MSRB3: variants seen among roughly 807,000 people sequenced by gnomAD.
MSRB3 encodes methionine sulfoxide reductase B3, also known as methionine-R-sulfoxide reductase B3.
A neutral mutation model predicts 21.0 loss-of-function variants in MSRB3; 13 were observed. The ratio of observed to expected loss-of-function variants is 0.62; its 90% confidence interval spans 0.40 to 0.98. MSRB3 has a LOEUF of 0.98. Ranked by LOEUF, MSRB3 falls within the 50% of genes least tolerant of loss-of-function variation. MSRB3 has a pLI of 0.00. For missense variants in MSRB3, 199 were observed against 230.3 expected (o/e 0.86, Z 0.88); for synonymous variants, 87 against 88.6 (o/e 0.98, Z 0.10).
intron 1 of MSRB3, among the ~76,000 whole-genome samples, chr12:65,300,191 A>G (rs1015989721): frequency 6.6e-6 from 1 of 152,346 alleles, no homozygotes; most frequent in East Asian, 1.9e-4. Flanking sequence ...AGATCTTCAC[A>G]TCGTCATTTT....
chr12:65,451,705 C>T (rs533405921), intron 5 of MSRB3, among the ~76,000 whole-genome samples: 2 of 152,264 alleles, frequency 1.3e-5, no homozygotes, highest in African/African-American at 2.4e-5. Context: ...GATTGAGCCA[C>T]GTTGGACAGT....
intron 5 of MSRB3, among the ~76,000 whole-genome samples, chr12:65,386,842 A>G (rs1879219501): frequency 6.6e-6 from 1 of 152,066 alleles, no homozygotes; most frequent in Non-Finnish European, 1.5e-5. Context: ...TGTTAGAGCA[A>G]TTCAAAGGAT....
At chr12:65,396,276 T>C (rs1404563761) in intron 5 of MSRB3, among the ~76,000 whole-genome samples, 1 of 152,280 alleles carries the variant, frequency 6.6e-6, no homozygotes, top group Non-Finnish European at 1.5e-5. Flanking sequence ...TTTAGAAGTA[T>C]GTTGTTTAAT....
chr12:65,386,369 A>G (rs1879196337), intron 5 of MSRB3, among the ~76,000 whole-genome samples: 1 of 151,996 alleles, frequency 6.6e-6, no homozygotes, highest in Non-Finnish European at 1.5e-5. Context: ...ATTGGTAAAG[A>G]GAACTTACAT....
In MSRB3 at chr12:65,398,355, G is replaced by C. The variant is rs1287638651; in HGVS notation, c.292+29329G>C. ...TGGTTTTGATTTGCATTTCTCTAATGATCAGTGATGATGAGCTTTTTTTCA... is the reference window on the plus strand; with the variant it reads ...TGGTTTTGATTTGCATTTCTCTAATCATCAGTGATGATGAGCTTTTTTTCA... On this transcript the variant is annotated intron_variant, in intron 5 of 6. Coordinates refer to ENST00000308259, the MANE Select transcript of MSRB3 (RefSeq NM_001031679.3). Among the ~76,000 whole-genome samples the C allele has an allele frequency of 4.6e-5, 7 of 152,194 alleles. No homozygotes were observed. In the East Asian group the frequency reaches 9.6e-4, roughly 21 times the overall value.
At chr12:65,447,448 G>C (rs559190651) in intron 5 of MSRB3, among the ~76,000 whole-genome samples, 1 of 152,230 alleles carries the variant, frequency 6.6e-6, no homozygotes, top group South Asian at 2.1e-4. Flanking sequence ...TATTTGAAAA[G>C]ATACTTTGTT....
chr12:65,446,463 T>A (rs1032516794), intron 5 of MSRB3, among the ~76,000 whole-genome samples: 1 of 152,174 alleles, frequency 6.6e-6, no homozygotes, highest in Non-Finnish European at 1.5e-5. Context: ...AAAATTATGA[T>A]GCGTCAAATT....
At chr12:65,293,172 T>G (rs28497357) in intron 1 of MSRB3, among the ~76,000 whole-genome samples, 6,389 of 152,124 alleles carry the variant, frequency 0.042, 434 homozygotes, top group African/African-American at 0.15. Context: ...AGAATTGAAG[T>G]CCTCTTAAAT....
At chr12:65,287,989 T>C (rs1310297438) in intron 1 of MSRB3, among the ~76,000 whole-genome samples, 4 of 152,024 alleles carry the variant, frequency 2.6e-5, no homozygotes, top group Non-Finnish European at 5.9e-5. Context: ...TGAATTGGAC[T>C]GGGTAATACC....
At chr12:65,284,049 AC>A (rs1444698276) in intron 1 of MSRB3, 2 of 152,232 alleles carry the variant, frequency 1.3e-5, no homozygotes, top group Non-Finnish European at 2.9e-5. Context: ...CCCAGAATTT[AC>A]CAGATCAGAT....
chr12:65,397,735 T>G (rs765070088), intron 5 of MSRB3, among the ~76,000 whole-genome samples: 3 of 152,188 alleles, frequency 2.0e-5, no homozygotes, highest in African/African-American at 4.8e-5. Context: ...ATTAGGTATT[T>G]CTCCTGATGC....
intron 2 of MSRB3, among the ~76,000 whole-genome samples, chr12:65,318,997 G>A (rs985557180): frequency 6.6e-6 from 1 of 152,176 alleles, no homozygotes; most frequent in Non-Finnish European, 1.5e-5. Flanking sequence ...CAGGATGAAT[G>A]TAGTGCTAAA....
chr12:65,301,025 A>C (rs1873296239), intron 1 of MSRB3, among the ~76,000 whole-genome samples: 1 of 152,198 alleles, frequency 6.6e-6, no homozygotes, highest in African/African-American at 2.4e-5. Flanking sequence ...ACAGAGTAAT[A>C]ATGACTACTA....
intron 4 of MSRB3, among the ~76,000 whole-genome samples, chr12:65,347,719 G>T (rs1455637324): frequency 6.6e-6 from 1 of 152,108 alleles, no homozygotes; most frequent in Non-Finnish European, 1.5e-5. Context: ...ATTGCCTGTG[G>T]GTTTGTCATA....
chr12:65,305,505 G>A (rs1177782655), intron 1 of MSRB3, among the ~76,000 whole-genome samples: 1 of 152,110 alleles, frequency 6.6e-6, no homozygotes, highest in Non-Finnish European at 1.5e-5. Flanking sequence ...ACTGGCTTTG[G>A]AGGTGAATGT....
At chr12:65,315,704 G>A (rs191751211) in intron 2 of MSRB3, among the ~76,000 whole-genome samples, 2 of 146,348 alleles carry the variant, frequency 1.4e-5, no homozygotes, top group Admixed American at 6.8e-5. Flanking sequence ...CCCATGAAAT[G>A]ACAAAAGATA....
At chr12:65,361,663 T>C (rs1204186326) in intron 4 of MSRB3, among the ~76,000 whole-genome samples, 2 of 152,208 alleles carry the variant, frequency 1.3e-5, no homozygotes, top group East Asian at 3.9e-4. Flanking sequence ...TCCTTCTTGA[T>C]ATTGGCAAAT....
chr12:65,347,933 GC>G (rs1305816417), intron 4 of MSRB3, among the ~76,000 whole-genome samples: 2 of 152,180 alleles, frequency 1.3e-5, no homozygotes, highest in Admixed American at 1.3e-4. Flanking sequence ...CAGGGATGAA[GC>G]CCACTTGATC....
chr12:65,397,510 C>T (rs1361228881), intron 5 of MSRB3, among the ~76,000 whole-genome samples: 2 of 152,026 alleles, frequency 1.3e-5, no homozygotes, highest in African/African-American at 4.8e-5. Flanking sequence ...ATTTTCCTGC[C>T]TATCTTGGTT....
Sources: allele counts gnomAD v4.1 joint callset (sites outside exome capture counted in the v4.1 genomes callset), GRCh38; gene constraint gnomAD v4.1.1; transcripts MANE v1.5; gene names NCBI Gene and HGNC (gene_info 2026-07-23, HGNC 2026-07-21).